CCDC137: variants seen among roughly 807,000 people sequenced by gnomAD.
The protein encoded by CCDC137 is coiled-coil domain-containing protein 137.
CCDC137 carries 24 observed loss-of-function variants against 30.4 expected under a neutral mutation model. The observed-to-expected ratio is 0.79, with a 90% CI of 0.57 to 1.11. The LOEUF is 1.11. Among genes scored for constraint, CCDC137 ranks in the 50% least tolerant of loss-of-function variants. The probability of loss-of-function intolerance (pLI) is 0.00; values close to 1 mark genes in which losing one functional copy is unlikely to be tolerated. For missense variants in CCDC137, 417 were observed against 380.4 expected (o/e 1.10, Z -0.80); for synonymous variants, 182 against 155.7 (o/e 1.17, Z -1.26).
intron 4 of CCDC137, 73 bp downstream of exon 4, chr17:81,671,899 C>A: frequency 2.6e-6 from 4 of 1,559,848 alleles, no homozygotes; most frequent in Non-Finnish European, 3.5e-6. Context: ...TGTTCCCCAC[C>A]AGCCCTGGCT....
intron 1 of CCDC137, 67 bp downstream of exon 1, chr17:81,666,967 C>T (rs2036640307): frequency 1.6e-6 from 2 of 1,236,970 alleles, no homozygotes; most frequent in African/African-American, 1.6e-5. Context: ...AGGCTCCGCC[C>T]GGGACCCCCT....
At chr17:81,668,873 T>G (rs918195548) in intron 2 of CCDC137, among the ~76,000 whole-genome samples, 1 of 144,270 alleles carries the variant, frequency 6.9e-6, no homozygotes, top group Non-Finnish European at 1.5e-5. Context: ...AGCTAATTTT[T>G]TGTGTGTGGT....
In CCDC137 at chr17:81,670,464, GC is replaced by G; in HGVS notation, c.497+12del. 1 of 1,607,300 alleles carries G rather than the reference GC, an allele frequency of 6.2e-7. No homozygotes were observed. The highest frequency in any genetic ancestry group is 8.5e-7 in the Non-Finnish European group (1 of 1,176,658). ...AAAAGCAAAAAAAGCGTGAGTGGAGGCGGGAGGGGGAGGGGTCTGCCCTGGG... is the reference window on the plus strand; with the variant it reads ...AAAAGCAAAAAAAGCGTGAGTGGAGGGGGAGGGGGAGGGGTCTGCCCTGGG... On this transcript the variant is annotated intron_variant, in intron 3 of 5. Coordinates refer to ENST00000329214, the MANE Select transcript of CCDC137 (RefSeq NM_199287.3).
At chr17:81,668,602 A>G (rs1193786300) in intron 2 of CCDC137, among the ~76,000 whole-genome samples, 1 of 152,156 alleles carries the variant, frequency 6.6e-6, no homozygotes, top group Non-Finnish European at 1.5e-5. Flanking sequence ...GGATAGTGAG[A>G]TAGAGGTGAG....
intron 2 of CCDC137, among the ~76,000 whole-genome samples, chr17:81,669,087 A>G (rs2036686724): frequency 6.6e-6 from 1 of 151,876 alleles, no homozygotes; most frequent in Admixed American, 6.6e-5. Flanking sequence ...ACGAGGTTTC[A>G]CCATGTTGGC....
chr17:81,672,489 C>T lies in CCDC137; in HGVS notation c.661-6C>T, dbSNP rs1437525044. On this transcript the variant is annotated splice_region_variant and splice_polypyrimidine_tract_variant and intron_variant, in intron 5 of 5. Coordinates refer to ENST00000329214, the MANE Select transcript of CCDC137 (RefSeq NM_199287.3). The stretch of plus-strand genomic sequence containing the variant: ...CCTGTGCCTCACCCTCCCCTCTCTC[C>T]CTCAGCCTGGCAGGAGATCGCAGAT... 1.3e-6 allele frequency: 2 copies of T among 1,553,134 alleles called. No individual in the cohort carries two copies. The highest frequency in any genetic ancestry group is 1.7e-6 in the Non-Finnish European group (2 of 1,148,640).
rs780376548 is a variant in CCDC137 at position 81,672,689 on chromosome 17, A to G, written c.855A>G (p.Pro285=). 1.3e-6 allele frequency: 2 copies of G among 1,592,236 alleles called. No homozygotes were observed. The highest frequency in any genetic ancestry group is 4.6e-5 in the East Asian group (2 of 43,694). The change falls in exon 6 of 6, where the codon CCA becomes CCG. Residue 285 remains proline, a synonymous_variant. Transcript: ENST00000329214. ...ERPHLTSRKK[P]EPQL Reference sequence around the variant, plus strand: ...CCCACCTCACTTCCCGGAAGAAGCCAGAGCCGCAGCTGTGATGGAGAGACA... The same window carrying G: ...CCCACCTCACTTCCCGGAAGAAGCCGGAGCCGCAGCTGTGATGGAGAGACA...
At chr17:81,667,063 G>A in intron 1 of CCDC137, 163 bp downstream of exon 1, 1 of 735,350 alleles carries the variant, frequency 1.4e-6, no homozygotes, top group Non-Finnish European at 1.9e-6. Flanking sequence ...CGCCAGGATC[G>A]GTTGAATGAA....
chr17:81,668,906 G>C (rs1402042164), intron 2 of CCDC137, among the ~76,000 whole-genome samples: 3 of 143,322 alleles, frequency 2.1e-5, no homozygotes, highest in Non-Finnish European at 4.5e-5. Context: ...TTTTGAGACA[G>C]TCTCCCTCTA....
chr17:81,672,113 A>G lies in CCDC137; in HGVS notation c.618A>G (p.Pro206=), dbSNP rs770610858. Residue 206 remains proline (P), a synonymous_variant, in exon 5 of 6, where the codon CCA becomes CCG. Transcript: ENST00000329214. ...TTGGTGAGGTTGTCCTGCAGCCCCC[A>G]GAGCTGACTGCCAGGCCCCAGAGGA... The part of the protein sequence containing the change: ...VKFGEVVLQP[P]ELTARPQRSV... The G allele has an allele frequency of 1.9e-6, 3 of 1,614,128 alleles. No individual in the cohort carries two copies. Among genetic ancestry groups the G allele is most frequent in the Non-Finnish European group, 2.5e-6 (3 of 1,180,002 alleles).
chr17:81,670,615 C>T (rs1161593180), intron 3 of CCDC137, among the ~76,000 whole-genome samples, 162 bp downstream of exon 3: 1 of 152,166 alleles, frequency 6.6e-6, no homozygotes, highest in Non-Finnish European at 1.5e-5. Flanking sequence ...TCGGAGCATC[C>T]AGCTGGGAGC....
Position 81,672,699 on chromosome 17 carries a change from C to T in CCDC137, c.865C>T (p.Leu289=), listed in dbSNP as rs1449331572. 1 of 1,584,758 alleles carries T rather than the reference C, an allele frequency of 6.3e-7. No individual in the cohort carries two copies. The highest frequency in any genetic ancestry group is 8.6e-7 in the Non-Finnish European group (1 of 1,166,518). The stretch of plus-strand genomic sequence containing the variant: ...TTCCCGGAAGAAGCCAGAGCCGCAG[C>T]TGTGATGGAGAGACACCCGGGGCCT... ...LTSRKKPEPQ[L] is the part of the protein sequence containing the mutation. The change falls in exon 6 of 6, where the codon CTG becomes TTG. Residue 289 remains leucine (L), a synonymous_variant. Transcript: ENST00000329214.
chr17:81,670,891 G>C (rs934916951), intron 3 of CCDC137, among the ~76,000 whole-genome samples: 1 of 152,188 alleles, frequency 6.6e-6, no homozygotes, highest in African/African-American at 2.4e-5. Context: ...CACTTTGGGA[G>C]GCTGAGGCAG....
At chr17:81,669,851 G>A (rs1304959714) in intron 2 of CCDC137, among the ~76,000 whole-genome samples, 1 of 152,180 alleles carries the variant, frequency 6.6e-6, no homozygotes, top group East Asian at 1.9e-4. Flanking sequence ...ATGAGCCACC[G>A]CGCCCGGCAG....
At position 81,673,210 on chromosome 17, in the gene CCDC137, T is replaced by C. The variant is rs2036742769; in HGVS notation, c.*506T>C. The C allele has an allele frequency of 6.4e-6, 1 of 157,184 alleles. No individual in the cohort carries two copies. Among genetic ancestry groups the C allele is most frequent in the African/African-American group, 2.4e-5 (1 of 41,280 alleles). 9.7% of individuals were successfully genotyped at this position (157,184 alleles called of 1,614,324 possible). ...CCCTACAGAGGCTGCCCACCCAAGG[T>C]TTGGTTGGGGTGAAACATGATGACA... On this transcript the variant is annotated 3_prime_UTR_variant, in exon 6 of 6. Transcript: ENST00000329214.
At chr17:81,672,279 C>A in intron 5 of CCDC137, 124 bp downstream of exon 5, 2 of 1,069,646 alleles carry the variant, frequency 1.9e-6, no homozygotes, top group Non-Finnish European at 2.8e-6. Context: ...CCAAGGCAGG[C>A]GGATTGCTTG....
At chr17:81,670,183 T>C (rs1161783523) in intron 2 of CCDC137, 42 bp from the exon 3 acceptor site, 1 of 1,509,302 alleles carries the variant, frequency 6.6e-7, no homozygotes, top group South Asian at 1.2e-5. Flanking sequence ...TGCCTGCCAC[T>C]GTCTGCCTCC....
At chr17:81,669,307 G>A (rs904887306) in intron 2 of CCDC137, among the ~76,000 whole-genome samples, 7 of 151,212 alleles carry the variant, frequency 4.6e-5, no homozygotes, top group Admixed American at 6.6e-5. Flanking sequence ...CACCATGCCC[G>A]GCTCGTTTTT....
chr17:81,671,545 G>A lies in CCDC137; in HGVS notation c.498-199G>A, dbSNP rs369675099. 47 of 578,036 alleles carry A rather than the reference G, an allele frequency of 8.1e-5. No homozygotes were observed. The East Asian group carries it at 1.3e-3, about 16-fold the overall frequency. 35.8% of individuals were successfully genotyped at this position (578,036 alleles called of 1,614,324 possible). Reference sequence around the variant, plus strand: ...AGAACCACTGGGGGACCTGTGAGGGGCCTGTTGGGGTCAGAGCCTTCTTTG... The same window carrying A: ...AGAACCACTGGGGGACCTGTGAGGGACCTGTTGGGGTCAGAGCCTTCTTTG... On this transcript the variant is annotated intron_variant, in intron 3 of 5. Coordinates refer to ENST00000329214, the MANE Select transcript of CCDC137 (RefSeq NM_199287.3).
Sources: gnomAD v4.1 joint callset for allele counts (sites outside exome capture counted in the v4.1 genomes callset) on GRCh38, gnomAD v4.1.1 for gene constraint, MANE v1.5 for transcripts, NCBI Gene and HGNC (gene_info 2026-07-23, HGNC 2026-07-21) for gene names.